The following EMP2 variants were observed in gnomAD, a reference collection of about 807,000 sequenced individuals.
EMP2 encodes the protein epithelial membrane protein 2.
A neutral mutation model predicts 13.7 loss-of-function variants in EMP2; 19 were observed. The observed-to-expected ratio is 1.38, with a 90% CI of 0.97 to 2.03. EMP2 has a LOEUF of 2.03. Among genes scored for constraint, EMP2 ranks in the 30% most tolerant of loss-of-function variants. The pLI, the probability that EMP2 is intolerant of heterozygous loss-of-function variation, is 0.00. For missense variants in EMP2, 253 were observed against 220.7 expected (o/e 1.15, Z -0.93); for synonymous variants, 97 against 84.7 (o/e 1.15, Z -0.80).
At chr16:10,533,725 A>G (rs1305810995) in intron 4 of EMP2, among the ~76,000 whole-genome samples, 1 of 152,148 alleles carries the variant, frequency 6.6e-6, no homozygotes. Flanking sequence ...TAGTTTGCCA[A>G]CCTTCTTCTT....
At chr16:10,555,824 T>C (rs2050823525) in intron 1 of EMP2, among the ~76,000 whole-genome samples, 1 of 152,142 alleles carries the variant, frequency 6.6e-6, no homozygotes. Context: ...CAATCTCGGG[T>C]GATCTGCCTG....
intron 1 of EMP2, among the ~76,000 whole-genome samples, chr16:10,573,568 C>T (rs559601757): frequency 6.6e-6 from 1 of 152,314 alleles, no homozygotes; most frequent in Admixed American, 6.5e-5. Flanking sequence ...CTCTCCCCAT[C>T]CTCACACCTG....
intron 2 of EMP2, among the ~76,000 whole-genome samples, chr16:10,544,018 CCTA>C (rs2050720944): frequency 6.6e-6 from 1 of 152,182 alleles, no homozygotes; most frequent in East Asian, 1.9e-4. Flanking sequence ...CATCACCACG[CCTA>C]CTTTTTGTAT....
chr16:10,565,244 T>C (rs759218446), intron 1 of EMP2, among the ~76,000 whole-genome samples: 1 of 152,252 alleles, frequency 6.6e-6, no homozygotes, highest in East Asian at 1.9e-4. Flanking sequence ...GATAGTTCAC[T>C]TAATGCGTCA....
intron 2 of EMP2, chr16:10,545,339 C>A (rs1308224947): frequency 6.6e-6 from 1 of 152,202 alleles, no homozygotes; most frequent in Non-Finnish European, 1.5e-5. Flanking sequence ...CTAGGACTCC[C>A]CAACCCATGG....
rs1270640187 is a variant in EMP2 at position 10,532,494 on chromosome 16, G to C, written c.*411C>G. On this transcript the variant is annotated 3_prime_UTR_variant, in exon 5 of 5. Coordinates refer to ENST00000359543, the MANE Select transcript of EMP2 (RefSeq NM_001424.6). The stretch of plus-strand genomic sequence containing the variant: ...ACCCACCACTAGCAGAGAGATTCGG[G>C]AGGGGCTTGGGCCAGCTGAAACCCA... The C allele has an allele frequency of 6.6e-6, 1 of 152,604 alleles. No individual in the cohort carries two copies. Among genetic ancestry groups the C allele is most frequent in the African/African-American group, 2.4e-5 (1 of 41,426 alleles). The allele number at this position is 152,604 out of a possible 1,614,324, so 9.5% of individuals were successfully genotyped here.
At chr16:10,538,714 G>C (rs1047412504) in intron 3 of EMP2, among the ~76,000 whole-genome samples, 1 of 152,162 alleles carries the variant, frequency 6.6e-6, no homozygotes, top group African/African-American at 2.4e-5. Flanking sequence ...ATGGGGGCAG[G>C]TCACAGTGAG....
intron 1 of EMP2, among the ~76,000 whole-genome samples, chr16:10,557,539 A>G (rs1456488486): frequency 2.0e-5 from 3 of 152,174 alleles, no homozygotes; most frequent in Non-Finnish European, 4.4e-5. Flanking sequence ...TCTAAAAGGA[A>G]CTAAGCACAT....
At chr16:10,553,575 G>C (rs1451944735) in intron 1 of EMP2, among the ~76,000 whole-genome samples, 1 of 151,746 alleles carries the variant, frequency 6.6e-6, no homozygotes, top group Admixed American at 6.6e-5. Context: ...GGGGACAAGA[G>C]TGTGGAGCTG....
chr16:10,550,349 T>A (rs1596374475), intron 1 of EMP2, among the ~76,000 whole-genome samples: 1 of 152,238 alleles, frequency 6.6e-6, no homozygotes, highest in African/African-American at 2.4e-5. Flanking sequence ...TCCAAGCTGA[T>A]ACACTGCATT....
chr16:10,562,978 C>T (rs2050883074), intron 1 of EMP2, among the ~76,000 whole-genome samples: 2 of 152,150 alleles, frequency 1.3e-5, no homozygotes, highest in South Asian at 4.1e-4. Context: ...TAATGATATA[C>T]CTACAGGCAC....
intron 3 of EMP2, among the ~76,000 whole-genome samples, chr16:10,542,061 A>C (rs2050703862): frequency 6.6e-6 from 1 of 152,156 alleles, no homozygotes; most frequent in Non-Finnish European, 1.5e-5. Flanking sequence ...TTGGCAAACA[A>C]ACCAAAACAA....
chr16:10,547,654 G>A lies in EMP2; in HGVS notation c.-37C>T, dbSNP rs375450808. 2.0e-4 allele frequency: 325 copies of A among 1,605,700 alleles called. 1 individual carries two copies. Among genetic ancestry groups the A allele is most frequent in the South Asian group, 1.6e-3 (145 of 90,686 alleles). On this transcript the variant is annotated 5_prime_UTR_variant, in exon 2 of 5. It adds an upstream start codon to the 5' untranslated region. Coordinates refer to ENST00000359543, the MANE Select transcript of EMP2 (RefSeq NM_001424.6). Reference sequence around the variant, plus strand: ...AGGGCGAGTCGAGGCGAGGGGTCACGTTTAAAGCCCAGAGCGGGATGTGCT... The same window carrying A: ...AGGGCGAGTCGAGGCGAGGGGTCACATTTAAAGCCCAGAGCGGGATGTGCT...
At position 10,530,176 on chromosome 16, in the gene EMP2, A is replaced by G. The variant is rs1596364809; in HGVS notation, c.*2729T>C. On this transcript the variant is annotated 3_prime_UTR_variant, in exon 5 of 5. Coordinates refer to ENST00000359543, the MANE Select transcript of EMP2 (RefSeq NM_001424.6). ...CCTGTACTGCATTGGTGGCTTCTCC[A>G]TAGGGAGGGGGTCCTATCTCATAGA... 1 of 152,140 alleles carries G rather than the reference A, an allele frequency of 6.6e-6. No individual in the cohort carries two copies. The allele number at this position is 152,140 out of a possible 1,614,324, so 9.4% of individuals were successfully genotyped here. A position where few individuals can be genotyped will look rare whatever the true frequency, so the allele number is the denominator to read the frequency against.
At chr16:10,568,182 A>T (rs1190284362) in intron 1 of EMP2, among the ~76,000 whole-genome samples, 1 of 152,018 alleles carries the variant, frequency 6.6e-6, no homozygotes, top group Non-Finnish European at 1.5e-5. Context: ...TTAAATCAGA[A>T]CCTCTGGGGA....
chr16:10,563,518 G>C (rs761841324), intron 1 of EMP2, among the ~76,000 whole-genome samples: 2 of 152,132 alleles, frequency 1.3e-5, no homozygotes, highest in Non-Finnish European at 2.9e-5. Flanking sequence ...TAAGTGACAA[G>C]ACCTATCATT....
intron 4 of EMP2, among the ~76,000 whole-genome samples, 154 bp downstream of exon 4, chr16:10,537,774 A>ACACACACG (rs2050660366): frequency 6.6e-6 from 1 of 151,536 alleles, no homozygotes; most frequent in African/African-American, 2.4e-5. Flanking sequence ...ACACACACAC[A>ACACACACG]CACACACGCA....
At chr16:10,570,076 G>C (rs1011310195) in intron 1 of EMP2, among the ~76,000 whole-genome samples, 2 of 152,178 alleles carry the variant, frequency 1.3e-5, no homozygotes, top group African/African-American at 2.4e-5. Context: ...ATGGTTACCG[G>C]GGTGCCCTGG....
At chr16:10,574,597 C>T (rs1262931188) in intron 1 of EMP2, among the ~76,000 whole-genome samples, 3 of 152,164 alleles carry the variant, frequency 2.0e-5, no homozygotes, top group East Asian at 3.9e-4. Context: ...CTCGCTCTGT[C>T]ACCCAGGCTG....
Sources: allele counts gnomAD v4.1 joint callset (sites outside exome capture counted in the v4.1 genomes callset), GRCh38; gene constraint gnomAD v4.1.1; transcripts MANE v1.5; gene names NCBI Gene and HGNC (gene_info 2026-07-23, HGNC 2026-07-21).